PDGFC: variants seen among roughly 807,000 people sequenced by gnomAD.
The protein encoded by PDGFC is platelet derived growth factor C.
In PDGFC, 12 loss-of-function variants were observed where a neutral mutation model predicts 35.5. The observed-to-expected ratio is 0.34, with a 90% CI of 0.22 to 0.55. PDGFC has a LOEUF of 0.55. Among genes scored for constraint, PDGFC ranks in the 20% least tolerant of loss-of-function variants. The probability of loss-of-function intolerance (pLI) is 0.91; values close to 1 mark genes in which losing one functional copy is unlikely to be tolerated. For synonymous variants in PDGFC, 159 were observed against 148.8 expected (o/e 1.07, Z -0.50); for missense variants, 322 against 412.4 (o/e 0.78, Z 1.90).
chr4:156,825,430 G>T (rs892788038), intron 2 of PDGFC, among the ~76,000 whole-genome samples: 27 of 150,458 alleles, frequency 1.8e-4, no homozygotes, highest in Non-Finnish European at 3.0e-4. Flanking sequence ...CCTGCCTGTA[G>T]TACCAGCTAC....
At chr4:156,917,498 C>G (rs1030387155) in intron 1 of PDGFC, among the ~76,000 whole-genome samples, 1 of 152,192 alleles carries the variant, frequency 6.6e-6, no homozygotes, top group Non-Finnish European at 1.5e-5. Context: ...AAGCAACAGC[C>G]TTACCAGTAA....
intron 1 of PDGFC, among the ~76,000 whole-genome samples, chr4:156,894,196 T>C (rs190016052): frequency 6.6e-6 from 1 of 152,342 alleles, no homozygotes; most frequent in Non-Finnish European, 1.5e-5. Context: ...TTTAGAGTTT[T>C]GATTAACTAT....
chr4:156,844,672 T>C (rs1209310288), intron 2 of PDGFC, among the ~76,000 whole-genome samples: 1 of 151,952 alleles, frequency 6.6e-6, no homozygotes, highest in African/African-American at 2.4e-5. Context: ...AATTACTTGA[T>C]TTGCTACATT....
chr4:156,954,982 G>T (rs555173888), intron 1 of PDGFC, among the ~76,000 whole-genome samples: 1 of 152,118 alleles, frequency 6.6e-6, no homozygotes, highest in Admixed American at 6.6e-5. Flanking sequence ...TCTGACACTT[G>T]AAAATTATGG....
At chr4:156,900,889 G>A (rs1469329571) in intron 1 of PDGFC, among the ~76,000 whole-genome samples, 1 of 143,404 alleles carries the variant, frequency 7.0e-6, no homozygotes, top group Non-Finnish European at 1.5e-5. Context: ...GGGAGGAAAG[G>A]AGGGAAGGAG....
chr4:156,854,832 T>C (rs1157146278), intron 1 of PDGFC, among the ~76,000 whole-genome samples: 1 of 152,132 alleles, frequency 6.6e-6, no homozygotes, highest in Non-Finnish European at 1.5e-5. Flanking sequence ...AAAAAGTTTA[T>C]AGTCAAATCA....
chr4:156,797,248 AG>A (rs1210938185), intron 3 of PDGFC, among the ~76,000 whole-genome samples: 21 of 151,722 alleles, frequency 1.4e-4, no homozygotes, highest in Middle Eastern at 6.8e-3. Context: ...AAAAAAAAAA[AG>A]AAAAAAAAAA....
chr4:156,961,368 A>T (rs899177147), intron 1 of PDGFC, among the ~76,000 whole-genome samples: 1 of 152,152 alleles, frequency 6.6e-6, no homozygotes, highest in Non-Finnish European at 1.5e-5. Flanking sequence ...TGATCTCTGT[A>T]GTGACTCAAA....
At chr4:156,955,865 A>C (rs1378212384) in intron 1 of PDGFC, among the ~76,000 whole-genome samples, 1 of 152,000 alleles carries the variant, frequency 6.6e-6, no homozygotes, top group Non-Finnish European at 1.5e-5. Flanking sequence ...TCATTTTTGA[A>C]TAGGCTTTGT....
intron 2 of PDGFC, among the ~76,000 whole-genome samples, chr4:156,831,024 G>A (rs1728919519): frequency 6.6e-6 from 1 of 152,130 alleles, no homozygotes; most frequent in Admixed American, 6.5e-5. Flanking sequence ...CCAGAGGCCA[G>A]GGGCCCATCT....
chr4:156,854,467 A>G (rs994920616), intron 1 of PDGFC, among the ~76,000 whole-genome samples: 3 of 150,654 alleles, frequency 2.0e-5, no homozygotes, highest in Non-Finnish European at 4.4e-5. Context: ...ATTTGTGGTT[A>G]AAAAAAAATT....
intron 5 of PDGFC, 40 bp from the exon 6 acceptor site, chr4:156,763,246 G>A (rs762790260): frequency 5.3e-5 from 51 of 961,924 alleles, no homozygotes; most frequent in Non-Finnish European, 7.5e-5. Context: ...AAAAATCAAC[G>A]AATGTCTATG....
chr4:156,796,491 A>ATTTTTTT (rs35891804), intron 3 of PDGFC, among the ~76,000 whole-genome samples: 3 of 101,574 alleles, frequency 3.0e-5, no homozygotes, highest in African/African-American at 3.4e-5. Flanking sequence ...ACCACTTTGT[A>ATTTTTTT]TTTTTTTTTT....
chr4:156,849,409 T>G (rs568539852), intron 2 of PDGFC, among the ~76,000 whole-genome samples: 1 of 152,110 alleles, frequency 6.6e-6, no homozygotes, highest in Admixed American at 6.5e-5. Flanking sequence ...TACCATGAGA[T>G]GAAAATTCTC....
At chr4:156,822,012 T>C (rs535240877) in intron 2 of PDGFC, among the ~76,000 whole-genome samples, 9 of 152,168 alleles carry the variant, frequency 5.9e-5, no homozygotes, top group African/African-American at 1.9e-4. Context: ...AATATACAAA[T>C]ATCAAAAATT....
At chr4:156,868,818 T>G (rs1395752302) in intron 1 of PDGFC, among the ~76,000 whole-genome samples, 1 of 152,182 alleles carries the variant, frequency 6.6e-6, no homozygotes, top group Non-Finnish European at 1.5e-5. Flanking sequence ...TTCTTCAAGA[T>G]TCTATCCTCC....
intron 1 of PDGFC, among the ~76,000 whole-genome samples, chr4:156,933,085 G>C (rs1364363912): frequency 2.0e-5 from 3 of 151,748 alleles, no homozygotes; most frequent in African/African-American, 7.3e-5. Context: ...TCTGAATCGG[G>C]GTTGCCTCAC....
intron 1 of PDGFC, among the ~76,000 whole-genome samples, chr4:156,939,280 T>C (rs895072942): frequency 1.3e-5 from 2 of 152,120 alleles, no homozygotes; most frequent in African/African-American, 2.4e-5. Context: ...CATTGTATTA[T>C]ACAATAATAT....
chr4:156,832,376 C>T (rs963515001), intron 2 of PDGFC, among the ~76,000 whole-genome samples: 1 of 151,826 alleles, frequency 6.6e-6, no homozygotes, highest in Non-Finnish European at 1.5e-5. Context: ...CCTGCCTCAG[C>T]CTCCTGAGTA....
Sources: allele counts gnomAD v4.1 joint callset (sites outside exome capture counted in the v4.1 genomes callset), GRCh38; gene constraint gnomAD v4.1.1; transcripts MANE v1.5; gene names NCBI Gene and HGNC (gene_info 2026-07-23, HGNC 2026-07-21).